The following EVA1C variants were observed in gnomAD, a reference collection of about 807,000 sequenced individuals.
EVA1C encodes protein eva-1 homolog C.
A neutral mutation model predicts 45.4 loss-of-function variants in EVA1C; 25 were observed. That is an observed-to-expected ratio of 0.55 (90% confidence interval 0.40 to 0.77). The LOEUF (loss-of-function observed/expected upper bound fraction) is 0.77, where lower values mean the gene tolerates loss of function less well. Among genes scored for constraint, EVA1C ranks in the 30% least tolerant of loss-of-function variants. EVA1C has a pLI of 0.00. For synonymous variants in EVA1C, 190 were observed against 221.2 expected, an observed-to-expected ratio of 0.86 and a Z score of 1.25; for missense variants, 479 against 554.8, an observed-to-expected ratio of 0.86 and a Z score of 1.37.
chr21:32,412,872 G>T lies in EVA1C; in HGVS notation c.19G>T (p.Ala7Ser). MLLPGR[A>S]RQPPTPQPVQ... ...GCGCACGATGCTTCTGCCGGGACGC[G>T]CACGCCAACCGCCGACGCCCCAGCC... Residue 7 changes from alanine to serine, a missense_variant, in exon 1 of 8, where the codon GCA becomes TCA. By Grantham distance (99) the Ala-to-Ser change is moderately conservative. Transcript: ENST00000300255. 1 of 1,496,000 alleles carries T rather than the reference G, an allele frequency of 6.7e-7. No homozygotes were observed. The highest frequency in any genetic ancestry group is 8.9e-7 in the Non-Finnish European group (1 of 1,128,606). 92.7% of individuals were successfully genotyped at this position (1,496,000 alleles called of 1,614,324 possible). A position where few individuals can be genotyped will look rare whatever the true frequency, so the allele number is the denominator to read the frequency against.
At chr21:32,511,438 A>AAAAG (rs1555876825) in intron 7 of EVA1C, among the ~76,000 whole-genome samples, 155 of 148,768 alleles carry the variant, frequency 1.0e-3, no homozygotes, top group Middle Eastern at 3.6e-3. Context: ...AAAAAAAAAA[A>AAAAG]AAAGAAAGAA....
At chr21:32,510,858 G>C (rs2037923149) in intron 7 of EVA1C, among the ~76,000 whole-genome samples, 1 of 151,918 alleles carries the variant, frequency 6.6e-6, no homozygotes, top group Admixed American at 6.6e-5. Flanking sequence ...AACAAAGTCA[G>C]ACCTCATCTT....
At chr21:32,457,493 G>A (rs763151280) in intron 2 of EVA1C, 104 bp from the exon 3 acceptor site, 86 of 1,387,550 alleles carry the variant, frequency 6.2e-5, no homozygotes, top group Non-Finnish European at 7.9e-5. Context: ...GGCCAGGTGG[G>A]GAGGCGTCCT....
At chr21:32,502,052 CTTCT>C (rs1309483325) in intron 6 of EVA1C, among the ~76,000 whole-genome samples, 291 of 98,238 alleles carry the variant, frequency 3.0e-3, no homozygotes, top group Admixed American at 9.0e-3. Flanking sequence ...TTCTTTCTTT[CTTCT>C]TTCTTTCTTT....
chr21:32,447,756 C>T (rs754319300), intron 1 of EVA1C, among the ~76,000 whole-genome samples: 8 of 152,130 alleles, frequency 5.3e-5, no homozygotes, highest in South Asian at 4.2e-4. Context: ...CCTAGCCTGG[C>T]GTGCAATGGC....
Position 32,513,269 on chromosome 21 carries a change from C to T in EVA1C, c.950-1545C>T, listed in dbSNP as rs556222829. On this transcript the variant is annotated intron_variant, in intron 7 of 7. Transcript: ENST00000300255. ...TCGGCTCACTGCAAGCTCCACCTCT[C>T]GGGTTCACGCCATCCTCCTGCCTCA... Among the ~76,000 whole-genome samples the T allele has an allele frequency of 4.9e-3, 730 of 148,856 alleles. 5 individuals carry two copies. Among genetic ancestry groups the T allele is most frequent in the African/African-American group, 0.017 (698 of 41,054 alleles).
At chr21:32,489,616 T>C (rs1419889628) in intron 4 of EVA1C, among the ~76,000 whole-genome samples, 2 of 152,244 alleles carry the variant, frequency 1.3e-5, no homozygotes, top group East Asian at 3.8e-4. Context: ...TTCAGCATTG[T>C]TTTTTCTATT....
intron 4 of EVA1C, among the ~76,000 whole-genome samples, chr21:32,476,381 A>C (rs2006728): frequency 0.42 from 63,489 of 151,794 alleles, 13,975 homozygotes; most frequent in East Asian, 0.53. Flanking sequence ...GTGGCTCACG[A>C]CTGGAATCCC....
At chr21:32,502,909 C>A (rs993626422) in intron 6 of EVA1C, among the ~76,000 whole-genome samples, 2 of 152,104 alleles carry the variant, frequency 1.3e-5, no homozygotes, top group Non-Finnish European at 2.9e-5. Context: ...GGATTACAGG[C>A]GTAAGACACC....
intron 1 of EVA1C, among the ~76,000 whole-genome samples, chr21:32,444,534 G>A (rs1052474439): frequency 1.3e-5 from 2 of 152,172 alleles, no homozygotes; most frequent in East Asian, 1.9e-4. Context: ...CGGAGCTTCT[G>A]TGCCCACCGT....
At chr21:32,510,297 C>T (rs1350497851) in intron 7 of EVA1C, among the ~76,000 whole-genome samples, 2 of 151,962 alleles carry the variant, frequency 1.3e-5, no homozygotes, top group Non-Finnish European at 2.9e-5. Context: ...TCAAGTGATC[C>T]GCCCACCTCA....
chr21:32,466,101 C>A (rs1305626873), intron 3 of EVA1C, among the ~76,000 whole-genome samples: 1 of 147,294 alleles, frequency 6.8e-6, no homozygotes, highest in Non-Finnish European at 1.5e-5. Flanking sequence ...TTTGTGTCTG[C>A]AGTGTTAGCT....
intron 5 of EVA1C, among the ~76,000 whole-genome samples, chr21:32,500,342 G>C (rs140080528): frequency 1.7e-3 from 261 of 151,950 alleles, no homozygotes; most frequent in African/African-American, 6.1e-3. Context: ...GTAGAGATGG[G>C]GTTTCGCCAT....
intron 1 of EVA1C, among the ~76,000 whole-genome samples, chr21:32,433,465 G>A (rs760295467): frequency 2.0e-5 from 3 of 152,104 alleles, no homozygotes; most frequent in African/African-American, 7.2e-5. Context: ...TCTCTGGCGC[G>A]TTATCAGGAT....
intron 1 of EVA1C, among the ~76,000 whole-genome samples, chr21:32,436,969 A>G (rs4817491): frequency 0.5 from 76,227 of 151,930 alleles, 20,003 homozygotes; most frequent in African/African-American, 0.63. Context: ...AGACCAGCCT[A>G]GCCCATATGG....
At chr21:32,514,677 G>A (rs572395211) in intron 7 of EVA1C, 137 bp from the exon 8 acceptor site, 7 of 1,030,646 alleles carry the variant, frequency 6.8e-6, no homozygotes, top group African/African-American at 3.2e-5. Flanking sequence ...TTATTTTGGT[G>A]TAGACAGTCT....
chr21:32,479,191 C>T (rs1022253829), intron 4 of EVA1C, among the ~76,000 whole-genome samples: 8 of 152,126 alleles, frequency 5.3e-5, no homozygotes, highest in Admixed American at 2.6e-4. Context: ...GAGGCTGAGG[C>T]GAGTGGATTG....
intron 1 of EVA1C, among the ~76,000 whole-genome samples, chr21:32,442,264 C>G (rs1272214565): frequency 2.0e-5 from 3 of 152,158 alleles, no homozygotes; most frequent in Non-Finnish European, 2.9e-5. Flanking sequence ...TGGGAGCCTC[C>G]CAAATATCTA....
At chr21:32,413,467 G>C (rs971192585) in intron 1 of EVA1C, among the ~76,000 whole-genome samples, 1 of 152,224 alleles carries the variant, frequency 6.6e-6, no homozygotes, top group Non-Finnish European at 1.5e-5. Flanking sequence ...CACATTGGCA[G>C]GTAGAAAGGG....
Sources: gnomAD v4.1 joint callset for allele counts (sites outside exome capture counted in the v4.1 genomes callset) on GRCh38, gnomAD v4.1.1 for gene constraint, MANE v1.5 for transcripts, NCBI Gene and HGNC (gene_info 2026-07-23, HGNC 2026-07-21) for gene names.